BEND7: variants seen among roughly 807,000 people sequenced by gnomAD.
BEND7 encodes BEN domain containing 7.
In BEND7, 28 loss-of-function variants were observed where a neutral mutation model predicts 50.9. That is an observed-to-expected ratio of 0.55 (90% CI 0.41 to 0.75). The LOEUF (loss-of-function observed/expected upper bound fraction) is 0.75, where lower values mean the gene tolerates loss of function less well. Among genes scored for constraint, BEND7 ranks in the 30% least tolerant of loss-of-function variants. BEND7 has a pLI of 0.00. For synonymous variants in BEND7, 170 were observed against 183.9 expected (o/e 0.92, Z 0.61); for missense variants, 477 against 491.3 (o/e 0.97, Z 0.28).
At chr10:13,497,159 T>C (rs553462328) in intron 3 of BEND7, among the ~76,000 whole-genome samples, 31 of 152,216 alleles carry the variant, frequency 2.0e-4, no homozygotes, top group African/African-American at 7.2e-4. Context: ...ACACAATGAG[T>C]GGGCACAGCA....
chr10:13,526,768 CTCTT>C (rs1554800113), intron 1 of BEND7, among the ~76,000 whole-genome samples: 1 of 152,190 alleles, frequency 6.6e-6, no homozygotes, highest in Non-Finnish European at 1.5e-5. Context: ...ACACAAGTGA[CTCTT>C]TCGCATTCAG....
intron 3 of BEND7, 75 bp downstream of exon 3, chr10:13,499,703 A>AAC (rs2077297313): frequency 1.4e-6 from 2 of 1,421,846 alleles, no homozygotes; most frequent in East Asian, 4.6e-5. Context: ...AATTGAACTC[A>AAC]ACACACTGAA....
intron 6 of BEND7, among the ~76,000 whole-genome samples, chr10:13,479,668 C>T (rs554670898): frequency 5.9e-5 from 9 of 152,194 alleles, no homozygotes; most frequent in Non-Finnish European, 1.3e-4. Flanking sequence ...TGTAGTGTCA[C>T]TTCAGGCTGA....
downstream of BEND7, chr10:13,439,316 G>A: frequency 6.2e-7 from 1 of 1,614,124 alleles, no homozygotes; most frequent in Non-Finnish European, 8.5e-7. Flanking sequence ...GGCTGGTTTG[G>A]GACAAAGCTC....
chr10:13,440,614 C>A (rs1835197674), downstream of BEND7, among the ~76,000 whole-genome samples: 2 of 152,178 alleles, frequency 1.3e-5, no homozygotes, highest in Admixed American at 1.3e-4. Context: ...AGCACGCCCG[C>A]GGGAGGCGGC....
intron 6 of BEND7, chr10:13,459,919 T>G (rs780103282): frequency 2.6e-5 from 4 of 152,224 alleles, no homozygotes; most frequent in Non-Finnish European, 5.9e-5. Context: ...TTCTCGCCCC[T>G]GCTGCCCAAA....
At chr10:13,449,305 A>C (rs575743803) in intron 7 of BEND7, among the ~76,000 whole-genome samples, 61 of 152,294 alleles carry the variant, frequency 4.0e-4, no homozygotes, top group African/African-American at 1.4e-3. Flanking sequence ...GATTTTAAAA[A>C]TCCTTCAATA....
intron 2 of BEND7, among the ~76,000 whole-genome samples, chr10:13,523,712 A>G (rs747891935): frequency 7.2e-5 from 11 of 152,248 alleles, no homozygotes; most frequent in Non-Finnish European, 1.3e-4. Flanking sequence ...AAGTGTAACT[A>G]TAAAACTATA....
At chr10:13,496,660 C>A in intron 4 of BEND7, 106 bp downstream of exon 4, 1 of 1,309,830 alleles carries the variant, frequency 7.6e-7, no homozygotes, top group Non-Finnish European at 1.0e-6. Context: ...AGCAAGACAG[C>A]AAGGTGAGAA....
intron 6 of BEND7, among the ~76,000 whole-genome samples, chr10:13,463,471 C>T (rs1373075761): frequency 1.3e-5 from 2 of 152,114 alleles, no homozygotes; most frequent in African/African-American, 4.8e-5. Flanking sequence ...GAGAGGAGCT[C>T]AGACTATGGC....
At chr10:13,519,830 TAGA>T (rs1030410587) in intron 2 of BEND7, among the ~76,000 whole-genome samples, 7 of 152,300 alleles carry the variant, frequency 4.6e-5, no homozygotes, top group African/African-American at 1.4e-4. Flanking sequence ...AGGATTTTAC[TAGA>T]AGGAGTTTGG....
intron 5 of BEND7, among the ~76,000 whole-genome samples, chr10:13,490,764 C>T (rs2076597281): frequency 6.6e-6 from 1 of 152,196 alleles, no homozygotes; most frequent in Non-Finnish European, 1.5e-5. Context: ...GCTGTTCTAG[C>T]AACACTGGGC....
intron 8 of BEND7, chr10:13,443,901 T>C (rs1835740895): frequency 6.6e-6 from 1 of 152,208 alleles, no homozygotes; most frequent in Non-Finnish European, 1.5e-5. Flanking sequence ...CTGTGGGTGG[T>C]AAAAGCAATT....
At chr10:13,526,857 T>C (rs11258435) in intron 1 of BEND7, among the ~76,000 whole-genome samples, 76,877 of 152,030 alleles carry the variant, frequency 0.51, 20,952 homozygotes, top group East Asian at 0.87. Context: ...ATCAGACCTA[T>C]AATTAAAAGA....
chr10:13,441,918 G>C, intron 8 of BEND7, 168 bp from the exon 9 acceptor site: 1 of 669,042 alleles, frequency 1.5e-6, no homozygotes, highest in South Asian at 2.0e-5. Context: ...TTGTCTAGTA[G>C]TTAGATTGAT....
At chr10:13,502,967 A>G in intron 2 of BEND7, 1 of 978,194 alleles carries the variant, frequency 1.0e-6, no homozygotes, top group African/African-American at 1.7e-5. Flanking sequence ...TGTAGATATA[A>G]TGCTAGGATA....
chr10:13,498,808 C>CT (rs1403361743), intron 3 of BEND7, among the ~76,000 whole-genome samples: 1 of 152,144 alleles, frequency 6.6e-6, no homozygotes, highest in African/African-American at 2.4e-5. Context: ...TTGATACTGG[C>CT]TTATGTACTA....
chr10:13,504,972 G>C (rs1008206015), intron 2 of BEND7, among the ~76,000 whole-genome samples: 3 of 152,216 alleles, frequency 2.0e-5, no homozygotes, highest in African/African-American at 7.2e-5. Flanking sequence ...CAACACACAA[G>C]GTTGCCCTTA....
At chr10:13,473,257 AC>A (rs1182602726) in intron 6 of BEND7, among the ~76,000 whole-genome samples, 1 of 150,584 alleles carries the variant, frequency 6.6e-6, no homozygotes, top group African/African-American at 2.5e-5. Flanking sequence ...TCGCTGTTAG[AC>A]TCAGGGCCGA....
Sources: allele counts gnomAD v4.1 joint callset (sites outside exome capture counted in the v4.1 genomes callset), GRCh38; gene constraint gnomAD v4.1.1; transcripts MANE v1.5; gene names NCBI Gene and HGNC (gene_info 2026-07-23, HGNC 2026-07-21).